Variants in PTPRN2 observed in about 807,000 individuals in gnomAD.
The protein encoded by PTPRN2 is protein tyrosine phosphatase receptor type N2.
Under a neutral mutation model 118.8 loss-of-function variants are expected in PTPRN2, and 74 were observed. The observed-to-expected ratio is 0.62, with a 90% confidence interval of 0.52 to 0.76. The LOEUF (loss-of-function observed/expected upper bound fraction) is 0.76. PTPRN2 is among the 30% of genes least tolerant of loss of function. The probability of loss-of-function intolerance (pLI) is 0.00; values close to 1 mark genes in which losing one functional copy is unlikely to be tolerated. For synonymous variants in PTPRN2, 641 were observed against 608.0 expected (o/e 1.05, Z -0.80); for missense variants, 1,481 against 1,394.4 (o/e 1.06, Z -0.99).
At chr7:158,384,063 T>G (rs1811152815) in intron 2 of PTPRN2, among the ~76,000 whole-genome samples, 1 of 152,166 alleles carries the variant, frequency 6.6e-6, no homozygotes, top group South Asian at 2.1e-4. Flanking sequence ...ATCCCGCGCA[T>G]CCTCTGTCTC....
intron 2 of PTPRN2, among the ~76,000 whole-genome samples, chr7:158,403,671 C>T (rs1370002435): frequency 2.6e-5 from 4 of 152,122 alleles, no homozygotes; most frequent in Non-Finnish European, 4.4e-5. Context: ...GTGCGGCAGC[C>T]GGGACTGCGA....
chr7:158,147,426 T>G (rs13226846), intron 6 of PTPRN2, among the ~76,000 whole-genome samples: 1 of 13,932 alleles, frequency 7.2e-5, no homozygotes. Flanking sequence ...CCCCATCTCA[T>G]GCCACACGTC....
intron 12 of PTPRN2, among the ~76,000 whole-genome samples, chr7:157,810,898 G>A (rs1805987298): frequency 6.6e-6 from 1 of 152,130 alleles, no homozygotes; most frequent in Non-Finnish European, 1.5e-5. Flanking sequence ...AGCCACATCG[G>A]GGGCTCTGAA....
rs1799016659 is a variant in PTPRN2, at chr7:157,926,737, A to T, written c.1724-28000T>A. 2.6e-5 allele frequency among the ~76,000 whole-genome samples: 4 copies of T among 152,146 alleles called. 1 individual carries two copies. In the South Asian group the frequency reaches 6.2e-4, roughly 24 times the overall value. Reference sequence around the variant, plus strand: ...TGCTGCTCCTTTGCTTCCTGCTTAGACCTGAGAAGTAGCCTCTCTCCCTGC... The same window carrying T: ...TGCTGCTCCTTTGCTTCCTGCTTAGTCCTGAGAAGTAGCCTCTCTCCCTGC... On this transcript the variant is annotated intron_variant, in intron 11 of 22. Coordinates refer to ENST00000389418, the MANE Select transcript of PTPRN2 (RefSeq NM_002847.5).
At chr7:157,838,258 A>G (rs1027278531) in intron 12 of PTPRN2, among the ~76,000 whole-genome samples, 2 of 147,970 alleles carry the variant, frequency 1.4e-5, no homozygotes, top group East Asian at 4.0e-4. Context: ...CACGGGAGAA[A>G]GCTCCTCTCC....
chr7:158,120,745 A>C (rs1396772175), intron 9 of PTPRN2, among the ~76,000 whole-genome samples: 4 of 152,194 alleles, frequency 2.6e-5, no homozygotes, highest in Non-Finnish European at 4.4e-5. Context: ...CCTGTCCCAA[A>C]ACATCCTCCA....
chr7:158,192,869 G>T (rs963433373), intron 4 of PTPRN2, among the ~76,000 whole-genome samples: 5 of 152,210 alleles, frequency 3.3e-5, no homozygotes, highest in African/African-American at 7.2e-5. Flanking sequence ...AGGCCGGGTG[G>T]GCATGGGGGG....
At chr7:158,025,816 A>G (rs1399145910) in intron 11 of PTPRN2, among the ~76,000 whole-genome samples, 15 of 152,182 alleles carry the variant, frequency 9.9e-5, no homozygotes, top group Admixed American at 9.8e-4. Flanking sequence ...CGGCACCCAC[A>G]CTCCCAGCGC....
intron 1 of PTPRN2, among the ~76,000 whole-genome samples, chr7:158,511,703 A>C (rs1823191041): frequency 1.3e-5 from 2 of 152,222 alleles, no homozygotes; most frequent in African/African-American, 4.8e-5. Context: ...CCTGGGCACC[A>C]GTGCAAGACA....
intron 2 of PTPRN2, among the ~76,000 whole-genome samples, chr7:158,447,833 G>A (rs1024502000): frequency 6.6e-6 from 1 of 152,238 alleles, no homozygotes; most frequent in Non-Finnish European, 1.5e-5. Flanking sequence ...CAGTGCTGAA[G>A]CCCCTGCTGC....
At chr7:158,530,840 T>C (rs760472473) in intron 1 of PTPRN2, among the ~76,000 whole-genome samples, 54 of 152,122 alleles carry the variant, frequency 3.5e-4, no homozygotes, top group Non-Finnish European at 3.8e-4. Context: ...TGTCGGGCCA[T>C]GTGGGTCCCA....
Position 157,787,126 on chromosome 7 carries a change from A to ATG in PTPRN2, c.1789-104190_1789-104189insCA, listed in dbSNP as rs1804105525. Among the ~76,000 whole-genome samples the ATG allele has an allele frequency of 1.0e-5, 1 of 97,324 alleles. No individual in the cohort carries two copies. Among genetic ancestry groups the ATG allele is most frequent in the Admixed American group, 9.9e-5 (1 of 10,098 alleles). The allele number at this position is 97,324 out of a possible 152,430, so 63.8% of individuals were successfully genotyped here. ...GAGGCGGACGCGGGTGCGGCGGGGG[A>ATG]CGCGGGGGTGGCTGCCCGGGAGGCG... On this transcript the variant is annotated intron_variant, in intron 12 of 22. Coordinates refer to ENST00000389418, the MANE Select transcript of PTPRN2 (RefSeq NM_002847.5). The surrounding 1 kb of genome is among the most constrained non-coding windows in gnomAD (Gnocchi z 5.3).
chr7:158,388,104 C>T (rs2007609), intron 2 of PTPRN2, among the ~76,000 whole-genome samples: 58,953 of 151,908 alleles, frequency 0.39, 12,818 homozygotes, highest in East Asian at 0.75. Flanking sequence ...AGGATTCCCC[C>T]GACCCCAGGA....
At chr7:157,704,554 T>C (rs1193189694) in intron 12 of PTPRN2, among the ~76,000 whole-genome samples, 2 of 152,182 alleles carry the variant, frequency 1.3e-5, no homozygotes, top group Non-Finnish European at 2.9e-5. Context: ...CCCTGCCCCA[T>C]GCTGCTCCCG....
intron 10 of PTPRN2, among the ~76,000 whole-genome samples, chr7:158,089,405 A>AC (rs1345629847): frequency 2.6e-5 from 1 of 38,678 alleles, no homozygotes; most frequent in Non-Finnish European, 8.6e-5. Context: ...GTCTTCACAC[A>AC]AACCTTCCTC....
chr7:158,512,325 T>C lies in PTPRN2; in HGVS notation c.113-22540A>G, dbSNP rs993301130. The stretch of plus-strand genomic sequence containing the variant: ...CATGCATGCAAAGTGAACAATGAGG[T>C]TAACAGCTGGCAGGTGGCAGGAGGA... On this transcript the variant is annotated intron_variant, in intron 1 of 22. Coordinates refer to ENST00000389418, the MANE Select transcript of PTPRN2 (RefSeq NM_002847.5). Among the ~76,000 whole-genome samples, 29 of 152,050 alleles carry C rather than the reference T, an allele frequency of 1.9e-4. 2 individuals carry two copies. Among genetic ancestry groups the C allele is most frequent in the Admixed American group, 1.5e-3 (23 of 15,268 alleles).
chr7:158,338,071 A>ACT (rs1305128459), intron 2 of PTPRN2, among the ~76,000 whole-genome samples: 1 of 8,942 alleles, frequency 1.1e-4, no homozygotes, highest in Admixed American at 1.1e-3. Context: ...TGCAGACGTC[A>ACT]CACCCACACT....
At chr7:157,885,111 G>T (rs935774122) in intron 12 of PTPRN2, among the ~76,000 whole-genome samples, 1 of 152,176 alleles carries the variant, frequency 6.6e-6, no homozygotes, top group Non-Finnish European at 1.5e-5. Context: ...TCCCCACACA[G>T]AGTAGTAGCT....
intron 12 of PTPRN2, among the ~76,000 whole-genome samples, chr7:157,837,612 T>A (rs530466240): frequency 4.5e-4 from 69 of 152,138 alleles, no homozygotes; most frequent in African/African-American, 1.4e-3. Flanking sequence ...GCCCTCTTGC[T>A]CTGTGCCTGA....
Sources: gnomAD v4.1 joint callset for allele counts (sites outside exome capture counted in the v4.1 genomes callset) on GRCh38, gnomAD v4.1.1 for gene constraint, Gnocchi (gnomAD v3.1) non-coding constraint, MANE v1.5 for transcripts, NCBI Gene and HGNC (gene_info 2026-07-23, HGNC 2026-07-21) for gene names.